Variants in RBFOX1 observed in about 807,000 individuals in gnomAD.
The protein encoded by RBFOX1 is RNA binding fox-1 homolog 1.
A neutral mutation model predicts 57.7 loss-of-function variants in RBFOX1; 8 were observed. The ratio of observed to expected loss-of-function variants is 0.14; its 90% confidence interval spans 0.08 to 0.25. The LOEUF is 0.25. Among genes scored for constraint, RBFOX1 ranks in the 10% least tolerant of loss-of-function variants. The probability of loss-of-function intolerance (pLI) is 1.00; values close to 1 mark genes in which losing one functional copy is unlikely to be tolerated. For missense variants in RBFOX1, 611 were observed against 548.5 expected (o/e 1.11, Z -1.14); for synonymous variants, 326 against 222.4 (o/e 1.47, Z -4.15).
Position 6,664,808 on chromosome 16 carries a change from C to T in RBFOX1, c.-16+10158C>T, listed in dbSNP as rs558989813. On this transcript the variant is annotated intron_variant, in intron 3 of 15. Transcript: ENST00000550418. ...ACTCCTCCTAATTTATTTCAAAAGG[C>T]AAGGTAGTACAGTTTTGCAGTCAAA... is the stretch of plus-strand genomic sequence containing the variant. 2.6e-5 allele frequency among the ~76,000 whole-genome samples: 4 copies of T among 152,296 alleles called. No homozygotes were observed. In the South Asian group the frequency reaches 8.3e-4, roughly 32 times the overall value.
chr16:6,253,699 G>GTGTGTGTGTGTGTGTA (rs71145205), intron 1 of RBFOX1, among the ~76,000 whole-genome samples: 2 of 142,414 alleles, frequency 1.4e-5, no homozygotes, highest in Non-Finnish European at 3.1e-5. Context: ...GTGTGTGTGT[G>GTGTGTGTGTGTGTGTA]TATATATATA....
intron 2 of RBFOX1, among the ~76,000 whole-genome samples, chr16:5,512,117 T>C (rs534035080): frequency 1.3e-5 from 2 of 152,072 alleles, no homozygotes; most frequent in East Asian, 3.8e-4. Context: ...TTTGGCAAAG[T>C]GGTTTTTGCT....
chr16:6,822,729 G>A (rs961449127), intron 3 of RBFOX1, among the ~76,000 whole-genome samples: 1 of 152,184 alleles, frequency 6.6e-6, no homozygotes, highest in Non-Finnish European at 1.5e-5. Context: ...ACTCAGGCTT[G>A]AAGGAAGGGA....
At chr16:7,258,978 C>T (rs1301376985) in intron 4 of RBFOX1, among the ~76,000 whole-genome samples, 2 of 152,192 alleles carry the variant, frequency 1.3e-5, no homozygotes, top group Non-Finnish European at 2.9e-5. Context: ...ATATTGCATA[C>T]CTTTCCAAGC....
At chr16:5,995,234 C>T (rs1015619982) in intron 4 of RBFOX1, among the ~76,000 whole-genome samples, 2 of 152,114 alleles carry the variant, frequency 1.3e-5, no homozygotes, top group African/African-American at 4.8e-5. Flanking sequence ...AAGCAATATT[C>T]TGTGGGAAAG....
intron 2 of RBFOX1, among the ~76,000 whole-genome samples, chr16:6,613,568 A>C (rs1280891624): frequency 1.3e-5 from 2 of 152,206 alleles, no homozygotes; most frequent in Non-Finnish European, 2.9e-5. Context: ...ACGCTAGATG[A>C]TTATTAAACA....
intron 3 of RBFOX1, among the ~76,000 whole-genome samples, chr16:6,959,852 G>A (rs867117479): frequency 7.2e-5 from 11 of 152,216 alleles, no homozygotes; most frequent in South Asian, 4.1e-4. Flanking sequence ...CAGGAGAATC[G>A]CTTGAACCTA....
Position 6,683,208 on chromosome 16 carries a change from G to A in RBFOX1, c.-16+28558G>A, listed in dbSNP as rs769151090. On this transcript the variant is annotated intron_variant, in intron 3 of 15. Coordinates refer to ENST00000550418, the MANE Select transcript of RBFOX1 (RefSeq NM_018723.4). Reference sequence around the variant, plus strand: ...ATTGTCACATAAAAAAATAAAAAGGGTGAGAGAACTGTTCTAAATTTAAAA... The same window carrying A: ...ATTGTCACATAAAAAAATAAAAAGGATGAGAGAACTGTTCTAAATTTAAAA... Among the ~76,000 whole-genome samples the A allele has an allele frequency of 6.6e-4, 101 of 152,136 alleles. 1 individual carries two copies. The highest frequency in any genetic ancestry group is 9.1e-4 in the Non-Finnish European group (62 of 68,040).
chr16:6,252,158 C>T (rs1003276819), intron 1 of RBFOX1, among the ~76,000 whole-genome samples: 1 of 151,968 alleles, frequency 6.6e-6, no homozygotes, highest in African/African-American at 2.4e-5. Flanking sequence ...TTATCTGTAC[C>T]TGTCTTTGGT....
chr16:5,309,371 C>T (rs939952318), intron 1 of RBFOX1, among the ~76,000 whole-genome samples: 1 of 152,184 alleles, frequency 6.6e-6, no homozygotes, highest in Non-Finnish European at 1.5e-5. Context: ...GCTCTCCTCT[C>T]AGACAAAACT....
At chr16:6,540,592 A>G (rs1599288561) in intron 2 of RBFOX1, among the ~76,000 whole-genome samples, 1 of 129,264 alleles carries the variant, frequency 7.7e-6, no homozygotes, top group South Asian at 2.9e-4. Flanking sequence ...AGTCTGGGCA[A>G]CAGAGCGAGA....
chr16:6,197,807 T>A (rs903156914), intron 1 of RBFOX1, among the ~76,000 whole-genome samples: 2 of 152,042 alleles, frequency 1.3e-5, no homozygotes, highest in African/African-American at 4.8e-5. Context: ...CCCTCCATCC[T>A]CCACCCTCAA....
intron 2 of RBFOX1, among the ~76,000 whole-genome samples, chr16:6,565,976 G>C (rs529965102): frequency 1.3e-5 from 2 of 152,186 alleles, no homozygotes; most frequent in African/African-American, 4.8e-5. Context: ...TCCTGCACTG[G>C]CTGGGAGTGC....
chr16:6,289,824 CA>C (rs1421874613), intron 1 of RBFOX1, among the ~76,000 whole-genome samples: 2 of 152,044 alleles, frequency 1.3e-5, no homozygotes, highest in African/African-American at 4.8e-5. Context: ...TAAAAGAGAG[CA>C]AATTGAATGA....
chr16:7,184,957 C>T (rs2083429724), intron 4 of RBFOX1, among the ~76,000 whole-genome samples: 1 of 152,034 alleles, frequency 6.6e-6, no homozygotes. Flanking sequence ...CATATGTTAC[C>T]TCTCTCAAGC....
chr16:5,411,081 G>T (rs753852804), intron 1 of RBFOX1, among the ~76,000 whole-genome samples: 2 of 152,176 alleles, frequency 1.3e-5, no homozygotes, highest in Non-Finnish European at 2.9e-5. Context: ...GGGGATATTG[G>T]GATGGGGTCA....
chr16:7,677,568 T>A (rs1372633623), intron 14 of RBFOX1, among the ~76,000 whole-genome samples: 2 of 152,086 alleles, frequency 1.3e-5, no homozygotes, highest in Non-Finnish European at 2.9e-5. Flanking sequence ...ACAGATGAGT[T>A]GGTTCCTGAA....
chr16:7,008,163 G>A (rs1276644307), intron 3 of RBFOX1, among the ~76,000 whole-genome samples: 5 of 152,124 alleles, frequency 3.3e-5, no homozygotes, highest in African/African-American at 1.2e-4. Flanking sequence ...AATCAGAATA[G>A]TTGTTACCGA....
intron 14 of RBFOX1, among the ~76,000 whole-genome samples, chr16:7,699,128 T>C (rs2079788712): frequency 6.6e-6 from 1 of 152,172 alleles, no homozygotes; most frequent in Non-Finnish European, 1.5e-5. Flanking sequence ...TTCTAACAAG[T>C]TGCCCCAGAT....
Sources: allele counts gnomAD v4.1 joint callset (sites outside exome capture counted in the v4.1 genomes callset), GRCh38; gene constraint gnomAD v4.1.1; transcripts MANE v1.5; gene names NCBI Gene and HGNC (gene_info 2026-07-23, HGNC 2026-07-21).